The following DNAH17 variants were observed in gnomAD, a reference collection of about 807,000 sequenced individuals.
DNAH17 encodes the protein axonemal beta dynein heavy chain 17.
A neutral mutation model predicts 485.6 loss-of-function variants in DNAH17; 376 were observed. That is an observed-to-expected ratio of 0.77 (90% CI 0.71 to 0.84). The LOEUF is 0.84. Ranked by LOEUF, DNAH17 falls within the 40% of genes least tolerant of loss-of-function variation. The pLI is 0.00. For synonymous variants in DNAH17, 3,031 were observed against 2,405.9 expected, an observed-to-expected ratio of 1.26 and a Z score of -7.60; for missense variants, 6,370 against 5,839.3, an observed-to-expected ratio of 1.09 and a Z score of -2.96.
intron 71 of DNAH17, 47 bp downstream of exon 71, chr17:78,444,557 A>AGGCCTG: frequency 1.3e-6 from 2 of 1,497,230 alleles, no homozygotes; most frequent in South Asian, 2.6e-5. Context: ...AGCTTCCATC[A>AGGCCTG]GGCCTGGGCC....
At chr17:78,443,167 C>T (rs1021699182) in intron 71 of DNAH17, among the ~76,000 whole-genome samples, 4 of 152,152 alleles carry the variant, frequency 2.6e-5, no homozygotes, top group African/African-American at 9.7e-5. Context: ...CTAACTTAGG[C>T]GATTCTCAGA....
chr17:78,507,820 G>A lies in DNAH17; in HGVS notation c.4237-15C>T. The A allele has an allele frequency of 6.5e-7, 1 of 1,529,114 alleles. No individual in the cohort carries two copies. The allele number at this position is 1,529,114 out of a possible 1,614,324, so 94.7% of individuals were successfully genotyped here. ...GCTTTCAGCACCTTTTGGGGGAACA[G>A]AAAAATAAGGTCACTGAGCATTTGG... On this transcript the variant is annotated splice_polypyrimidine_tract_variant and intron_variant, in intron 27 of 80. Transcript: ENST00000389840.
intron 56 of DNAH17, 62 bp from the exon 57 acceptor site, chr17:78,463,139 C>T (rs1345615006): frequency 6.7e-7 from 1 of 1,482,174 alleles, no homozygotes; most frequent in East Asian, 2.3e-5. Context: ...CAAAGTGGGG[C>T]TCCCCAGACT....
intron 65 of DNAH17, 58 bp from the exon 66 acceptor site, chr17:78,451,731 A>G: frequency 6.9e-7 from 1 of 1,442,988 alleles, no homozygotes; most frequent in Admixed American, 2.2e-5. Context: ...GGAGAGGAAC[A>G]CAAGTACAGA....
At chr17:78,467,816 A>C (rs113313802) in intron 55 of DNAH17, among the ~76,000 whole-genome samples, 1 of 152,190 alleles carries the variant, frequency 6.6e-6, no homozygotes, top group African/African-American at 2.4e-5. Context: ...TCAGGAGTTC[A>C]AGACCAGCCT....
intron 18 of DNAH17, among the ~76,000 whole-genome samples, chr17:78,537,963 G>T (rs951176469): frequency 6.6e-6 from 1 of 152,082 alleles, no homozygotes; most frequent in Non-Finnish European, 1.5e-5. Flanking sequence ...ACATGGCGAA[G>T]CCCCGTCTCT....
intron 1 of DNAH17, 129 bp downstream of exon 1, chr17:78,577,166 A>C (rs923241253): frequency 1.8e-4 from 27 of 152,460 alleles, no homozygotes; most frequent in Admixed American, 1.5e-3. Flanking sequence ...TGGCGAGCAG[A>C]GCCACTTCTG....
intron 25 of DNAH17, among the ~76,000 whole-genome samples, chr17:78,517,288 C>G (rs1489795638): frequency 6.6e-6 from 1 of 152,220 alleles, no homozygotes; most frequent in Admixed American, 6.5e-5. Flanking sequence ...AAGTGATCCG[C>G]CCACCTTGGC....
At chr17:78,574,269 C>T (rs1457883717) in intron 2 of DNAH17, among the ~76,000 whole-genome samples, 2 of 152,078 alleles carry the variant, frequency 1.3e-5, no homozygotes, top group Non-Finnish European at 2.9e-5. Flanking sequence ...GCAGGAGGAT[C>T]GCTTGAGCCC....
rs1568067784 is a variant in DNAH17, at chr17:78,450,685, C to T, written c.10896G>A (p.Glu3632=). Reference sequence around the variant, plus strand: ...ACGTCACCGAGGCAGCTCTGACCTTCTCCTCGATCTCGCTGGCTGTGTGCT... The same window carrying T: ...ACGTCACCGAGGCAGCTCTGACCTTTTCCTCGATCTCGCTGGCTGTGTGCT... The part of the protein sequence containing the change: ...TTKHTASEIE[E]KVVEAKITEV... The change falls in exon 67 of 81, where the codon GAG becomes GAA. Residue 3632 remains glutamate (E), a synonymous_variant. Transcript: ENST00000389840. The T allele has an allele frequency of 6.2e-7, 1 of 1,612,240 alleles. No individual in the cohort carries two copies. Among genetic ancestry groups the T allele is most frequent in the Non-Finnish European group, 8.5e-7 (1 of 1,179,232 alleles).
chr17:78,426,413 G>A lies in DNAH17; in HGVS notation c.12915+44C>T, dbSNP rs548858567. 213 of 1,533,816 alleles carry A rather than the reference G, an allele frequency of 1.4e-4. 2 individuals carry two copies. The South Asian group carries it at 2.3e-3, about 17-fold the overall frequency. On this transcript the variant is annotated intron_variant, in intron 79 of 80. Transcript: ENST00000389840. The stretch of plus-strand genomic sequence containing the variant: ...GGGGTGTGCCGAGCTCTGGGCACTC[G>A]GTCCCCGAGTCTTAGGAAGCCTCTC...
In DNAH17 at chr17:78,476,571, C is replaced by A. The variant is rs765779473; in HGVS notation, c.8154+1G>T. The A allele has an allele frequency of 3.1e-6, 5 of 1,608,604 alleles. No homozygotes were observed. In the South Asian group the frequency reaches 3.3e-5, roughly 11 times the overall value. ...CAGAGGGACTGGGCAGCTTGACTTA[C>A]ATCAAAGAACTTCTTGGTGGAGGCC... On this transcript the variant is annotated splice_donor_variant, in intron 52 of 80. Coordinates refer to ENST00000389840, the MANE Select transcript of DNAH17 (RefSeq NM_173628.4). LOFTEE classifies it high-confidence loss of function.
Position 78,468,885 on chromosome 17 carries a change from T to C in DNAH17, c.8512-2A>G. The C allele has an allele frequency of 3.7e-6, 6 of 1,611,804 alleles. No individual in the cohort carries two copies. The highest frequency in any genetic ancestry group is 1.1e-5 in the South Asian group (1 of 90,990). ...TATGTACTGAGCAGCGAGGTCAATCTGGACGGAGTGAGGACACGCTTAGGG... is the reference window on the plus strand; with the variant it reads ...TATGTACTGAGCAGCGAGGTCAATCCGGACGGAGTGAGGACACGCTTAGGG... On this transcript the variant is annotated splice_acceptor_variant, in intron 54 of 80. Coordinates refer to ENST00000389840, the MANE Select transcript of DNAH17 (RefSeq NM_173628.4). LOFTEE classifies it high-confidence loss of function.
Position 78,423,824 on chromosome 17 carries a change from A to G in DNAH17, c.*82T>C. 1 of 1,520,320 alleles carries G rather than the reference A, an allele frequency of 6.6e-7. No individual in the cohort carries two copies. The highest frequency in any genetic ancestry group is 9.0e-7 in the Non-Finnish European group (1 of 1,115,480). 94.2% of individuals were successfully genotyped at this position (1,520,320 alleles called of 1,614,324 possible). On this transcript the variant is annotated 3_prime_UTR_variant, in exon 81 of 81. Coordinates refer to ENST00000389840, the MANE Select transcript of DNAH17 (RefSeq NM_173628.4). ...ACGAAAAACCACCACCAGTTCCTGT[A>G]AAGAATAAGTCACAGGTGCACAGGT...
chr17:78,519,358 G>A (rs112689007), intron 25 of DNAH17, among the ~76,000 whole-genome samples: 9 of 152,104 alleles, frequency 5.9e-5, no homozygotes, highest in African/African-American at 2.2e-4. Flanking sequence ...AAGAGAAAAG[G>A]TCTCAAATCA....
At chr17:78,432,071 TGA>T (rs1307104056) in intron 75 of DNAH17, among the ~76,000 whole-genome samples, 13 of 152,056 alleles carry the variant, frequency 8.5e-5, no homozygotes, top group African/African-American at 3.1e-4. Context: ...CCCAGCTACT[TGA>T]GAGGCTGGGG....
rs780382464 is a variant in DNAH17 at position 78,424,098 on chromosome 17, C to T, written c.13197G>A (p.Leu4399=). 15 of 1,613,842 alleles carry T rather than the reference C, an allele frequency of 9.3e-6. No homozygotes were observed. In the South Asian group the frequency reaches 1.2e-4, roughly 13 times the overall value. ...GVIAEARLKE[L]TPAMPVIFIK... The stretch of plus-strand genomic sequence containing the variant: ...TGAAGATGACAGGCATGGCCGGGGT[C>T]AGCTCTTTCAGCCGCGCTTCAGCGA... The change falls in exon 81 of 81, where the codon CTG becomes CTA. Residue 4399 remains leucine (L), a synonymous_variant. Coordinates refer to ENST00000389840, the MANE Select transcript of DNAH17 (RefSeq NM_173628.4).
At chr17:78,435,716 G>A (rs908168319) in intron 74 of DNAH17, among the ~76,000 whole-genome samples, 5 of 152,202 alleles carry the variant, frequency 3.3e-5, no homozygotes, top group South Asian at 2.1e-4. Context: ...GGATTTCTGC[G>A]CTGATCTCAT....
intron 42 of DNAH17, among the ~76,000 whole-genome samples, chr17:78,492,097 G>C (rs755021638): frequency 6.6e-6 from 1 of 152,068 alleles, no homozygotes; most frequent in East Asian, 1.9e-4. Context: ...GGGTGCGGGG[G>C]ACAGGCTAGG....
Sources: allele counts gnomAD v4.1 joint callset (sites outside exome capture counted in the v4.1 genomes callset), GRCh38; gene constraint gnomAD v4.1.1; transcripts MANE v1.5; gene names NCBI Gene and HGNC (gene_info 2026-07-23, HGNC 2026-07-21).